LHFPL2: variants seen among roughly 807,000 people sequenced by gnomAD.
LHFPL2 encodes the protein LHFPL tetraspan subfamily member 2 protein.
LHFPL2 carries 7 observed loss-of-function variants against 17.5 expected under a neutral mutation model. That is an observed-to-expected ratio of 0.40 (90% CI 0.23 to 0.75). The LOEUF is 0.75. LHFPL2 is among the 30% of genes least tolerant of loss of function. The pLI, the probability that LHFPL2 is intolerant of heterozygous loss-of-function variation, is 0.37. For missense variants in LHFPL2, 241 were observed against 294.8 expected, an observed-to-expected ratio of 0.82 and a Z score of 1.34; for synonymous variants, 134 against 116.2, an observed-to-expected ratio of 1.15 and a Z score of -0.99.
chr5:78,492,517 C>G (rs1301112917), intron 4 of LHFPL2, among the ~76,000 whole-genome samples: 2 of 152,202 alleles, frequency 1.3e-5, no homozygotes, highest in African/African-American at 2.4e-5. Context: ...TGATAGCAAT[C>G]AGGCTCCTTT....
chr5:78,573,644 C>T (rs1757059229), intron 2 of LHFPL2, among the ~76,000 whole-genome samples: 1 of 152,212 alleles, frequency 6.6e-6, no homozygotes, highest in African/African-American at 2.4e-5. Context: ...CACAGCCTGT[C>T]TCTGCTTTCA....
At chr5:78,534,496 C>T (rs1479215222) in intron 3 of LHFPL2, among the ~76,000 whole-genome samples, 4 of 152,222 alleles carry the variant, frequency 2.6e-5, no homozygotes, top group African/African-American at 7.2e-5. Context: ...CCCCATTCCG[C>T]GGCCTCCACC....
chr5:78,562,634 C>CAAAAAAAA (rs35163869), intron 3 of LHFPL2, among the ~76,000 whole-genome samples: 2 of 113,130 alleles, frequency 1.8e-5, no homozygotes. Flanking sequence ...GATTCCACCT[C>CAAAAAAAA]AAAAAAAAAA....
intron 1 of LHFPL2, among the ~76,000 whole-genome samples, chr5:78,647,046 G>A (rs528504103): frequency 2.5e-4 from 38 of 152,152 alleles, no homozygotes; most frequent in African/African-American, 8.7e-4. Flanking sequence ...TGCTCTCCAT[G>A]TGACCACTTA....
intron 4 of LHFPL2, among the ~76,000 whole-genome samples, chr5:78,504,166 AGCCTCCCTTTG>A (rs902493590): frequency 1.3e-5 from 2 of 152,200 alleles, no homozygotes; most frequent in Non-Finnish European, 2.9e-5. Context: ...AGAAACCAAG[AGCCTCCCTTTG>A]GCAGCCAGAA....
At chr5:78,580,269 C>T (rs1258838228) in intron 2 of LHFPL2, among the ~76,000 whole-genome samples, 2 of 152,168 alleles carry the variant, frequency 1.3e-5, no homozygotes, top group East Asian at 1.9e-4. Context: ...GAGTAGGTTG[C>T]AAAAATTTTC....
intron 3 of LHFPL2, 91 bp from the exon 4 acceptor site, chr5:78,510,489 C>T: frequency 2.3e-6 from 1 of 433,732 alleles, no homozygotes; most frequent in Non-Finnish European, 4.1e-6. Context: ...GGCCCGTGCC[C>T]GCAGAACCCT....
chr5:78,623,841 T>C (rs929720390), intron 2 of LHFPL2, among the ~76,000 whole-genome samples: 3 of 152,242 alleles, frequency 2.0e-5, no homozygotes, highest in Middle Eastern at 3.2e-3. Flanking sequence ...ATTTACCATT[T>C]GCTCCAAAGC....
At chr5:78,641,216 G>A (rs1381201137) in intron 1 of LHFPL2, among the ~76,000 whole-genome samples, 17 of 152,200 alleles carry the variant, frequency 1.1e-4, no homozygotes, top group Non-Finnish European at 2.5e-4. Flanking sequence ...CAAGGGAAAT[G>A]TTCTTAGTCC....
chr5:78,572,728 A>G (rs921399664), intron 2 of LHFPL2, among the ~76,000 whole-genome samples: 1 of 152,124 alleles, frequency 6.6e-6, no homozygotes, highest in Non-Finnish European at 1.5e-5. Flanking sequence ...ATACTATTTA[A>G]CAGATACGGA....
chr5:78,509,742 C>T, intron 4 of LHFPL2, 42 bp downstream of exon 4: 2 of 1,578,932 alleles, frequency 1.3e-6, no homozygotes, highest in Non-Finnish European at 1.7e-6. Flanking sequence ...CGGCAGCTCT[C>T]CATCCCTCCA....
intron 2 of LHFPL2, among the ~76,000 whole-genome samples, chr5:78,620,235 T>C (rs1187284182): frequency 6.6e-6 from 1 of 150,380 alleles, no homozygotes; most frequent in African/African-American, 2.5e-5. Context: ...GTGGTTTTGA[T>C]TTGCATTTCT....
chr5:78,514,870 A>AAGAAC (rs562543339), intron 3 of LHFPL2, among the ~76,000 whole-genome samples: 705 of 152,314 alleles, frequency 4.6e-3, no homozygotes, highest in Non-Finnish European at 7.5e-3. Flanking sequence ...TAAAGTTGGC[A>AAGAAC]AGAACAGACA....
chr5:78,526,293 TAGTC>T (rs1755619898), intron 3 of LHFPL2, among the ~76,000 whole-genome samples: 2 of 152,172 alleles, frequency 1.3e-5, no homozygotes, highest in African/African-American at 2.4e-5. Context: ...GGTTTAGAAA[TAGTC>T]AGTGACTTTT....
At chr5:78,580,422 T>C (rs984880189) in intron 2 of LHFPL2, among the ~76,000 whole-genome samples, 9 of 151,928 alleles carry the variant, frequency 5.9e-5, no homozygotes, top group Admixed American at 1.3e-4. Context: ...TCCTTGCCCA[T>C]GCCTATGTCC....
intron 2 of LHFPL2, among the ~76,000 whole-genome samples, chr5:78,619,446 A>C (rs1744748616): frequency 1.3e-5 from 2 of 151,556 alleles, no homozygotes; most frequent in Non-Finnish European, 2.9e-5. Flanking sequence ...CATCCTTTAG[A>C]GTTTACAGTT....
At chr5:78,499,704 T>C (rs189063665) in intron 4 of LHFPL2, among the ~76,000 whole-genome samples, 6 of 152,350 alleles carry the variant, frequency 3.9e-5, no homozygotes, top group East Asian at 1.9e-4. Context: ...CGTGAGGGGT[T>C]ATGGAGAGTG....
chr5:78,485,491 A>C lies in LHFPL2; in HGVS notation c.*3406T>G, dbSNP rs1754208338. 6.6e-6 allele frequency: 1 copy of C among 152,616 alleles called. No individual in the cohort carries two copies. The highest frequency in any genetic ancestry group is 2.1e-4 in the South Asian group (1 of 4,832). The allele number at this position is 152,616 out of a possible 1,614,324, so 9.5% of individuals were successfully genotyped here. A position where few individuals can be genotyped will look rare whatever the true frequency, so the allele number is the denominator to read the frequency against. ...TCAGCCTTGGAAGGAGTTTCACCAC[A>C]GTCTCAGAAGAAATCCCAGTCGTGC... On this transcript the variant is annotated 3_prime_UTR_variant, in exon 5 of 5. Transcript: ENST00000380345.
intron 4 of LHFPL2, among the ~76,000 whole-genome samples, chr5:78,497,323 C>A (rs906076083): frequency 6.6e-6 from 1 of 152,088 alleles, no homozygotes; most frequent in Non-Finnish European, 1.5e-5. Context: ...TAAATCCTAC[C>A]CTAACTATCT....
Sources: allele counts gnomAD v4.1 joint callset (sites outside exome capture counted in the v4.1 genomes callset), GRCh38; gene constraint gnomAD v4.1.1; transcripts MANE v1.5; gene names NCBI Gene and HGNC (gene_info 2026-07-23, HGNC 2026-07-21).